The following CTNND2 variants were observed in gnomAD, a reference collection of about 807,000 sequenced individuals.
The protein encoded by CTNND2 is catenin delta-2.
A neutral mutation model predicts 144.4 loss-of-function variants in CTNND2; 22 were observed. The observed-to-expected ratio is 0.15, with a 90% CI of 0.11 to 0.22. The LOEUF (loss-of-function observed/expected upper bound fraction) is 0.22, where lower values mean the gene tolerates loss of function less well. Ranked by LOEUF, CTNND2 falls within the 10% of genes least tolerant of loss-of-function variation. The pLI, the probability that CTNND2 is intolerant of heterozygous loss-of-function variation, is 1.00. For synonymous variants in CTNND2, 751 were observed against 695.6 expected (o/e 1.08, Z -1.25); for missense variants, 1,353 against 1,618.8 (o/e 0.84, Z 2.82).
chr5:11,385,768 G>A (rs1759025532), intron 6 of CTNND2: 1 of 151,954 alleles, frequency 6.6e-6, no homozygotes, highest in African/African-American at 2.4e-5. Context: ...AGTTTATTCT[G>A]TTGCTATTGT....
At chr5:11,805,430 C>T (rs1561812532) in intron 1 of CTNND2, among the ~76,000 whole-genome samples, 4 of 152,052 alleles carry the variant, frequency 2.6e-5, no homozygotes, top group African/African-American at 9.7e-5. Context: ...GGAATCACGG[C>T]TCCTGGAAGA....
chr5:11,011,485 G>A (rs1000169166), intron 18 of CTNND2, among the ~76,000 whole-genome samples: 1 of 152,160 alleles, frequency 6.6e-6, no homozygotes, highest in African/African-American at 2.4e-5. Context: ...CCAAAGTGCT[G>A]GGATTACAGG....
At chr5:11,452,280 T>A (rs61760273) in intron 3 of CTNND2, among the ~76,000 whole-genome samples, 7,968 of 152,236 alleles carry the variant, frequency 0.052, 719 homozygotes, top group African/African-American at 0.18. Flanking sequence ...CACAAGTCCC[T>A]GAATTAACGA....
chr5:11,874,849 A>C (rs1735436951), intron 1 of CTNND2, among the ~76,000 whole-genome samples: 2 of 152,204 alleles, frequency 1.3e-5, no homozygotes, highest in African/African-American at 4.8e-5. Context: ...CCTTACCCAG[A>C]TAGCCTGTAC....
intron 3 of CTNND2, among the ~76,000 whole-genome samples, chr5:11,414,072 A>G (rs1017783078): frequency 6.6e-6 from 1 of 152,178 alleles, no homozygotes; most frequent in African/African-American, 2.4e-5. Context: ...ACATGTGCTT[A>G]TAAGAGATAG....
intron 2 of CTNND2, among the ~76,000 whole-genome samples, chr5:11,593,607 CAGG>C (rs1779365498): frequency 6.6e-6 from 1 of 152,158 alleles, no homozygotes; most frequent in South Asian, 2.1e-4. Context: ...GAATAAGTCT[CAGG>C]AGATCTGCTG....
chr5:11,694,982 C>T (rs1330407012), intron 2 of CTNND2, among the ~76,000 whole-genome samples: 1 of 152,118 alleles, frequency 6.6e-6, no homozygotes, highest in South Asian at 2.1e-4. Flanking sequence ...TATAGCAGGT[C>T]ATTTTTTAAA....
intron 10 of CTNND2, among the ~76,000 whole-genome samples, chr5:11,202,129 T>C (rs1737506731): frequency 1.3e-5 from 2 of 151,224 alleles, no homozygotes; most frequent in Admixed American, 6.6e-5. Context: ...CTATTGGTTA[T>C]GTACTAAAAA....
At chr5:11,295,856 G>GTT (rs1392291361) in intron 9 of CTNND2, among the ~76,000 whole-genome samples, 1 of 151,774 alleles carries the variant, frequency 6.6e-6, no homozygotes, top group Non-Finnish European at 1.5e-5. Flanking sequence ...AGACTTACGT[G>GTT]TTAGACCTAA....
At chr5:11,558,862 C>G (rs551527313) in intron 3 of CTNND2, among the ~76,000 whole-genome samples, 1 of 152,098 alleles carries the variant, frequency 6.6e-6, no homozygotes, top group African/African-American at 2.4e-5. Context: ...ATCTATATGA[C>G]GTGAGAATAC....
chr5:11,270,447 T>A (rs1213128476), intron 9 of CTNND2, among the ~76,000 whole-genome samples: 1 of 149,014 alleles, frequency 6.7e-6, no homozygotes, highest in Non-Finnish European at 1.5e-5. Flanking sequence ...CCTATTAGGA[T>A]ACATTCAAAG....
chr5:11,895,719 G>A (rs1737340391), intron 1 of CTNND2, among the ~76,000 whole-genome samples: 1 of 151,932 alleles, frequency 6.6e-6, no homozygotes, highest in South Asian at 2.1e-4. Flanking sequence ...ATGACAGAGT[G>A]ACATAATTAC....
In CTNND2 at chr5:11,111,110, C is replaced by G; in HGVS notation, c.2278-67G>C. 2.0e-6 allele frequency: 3 copies of G among 1,488,184 alleles called. No homozygotes were observed. In the South Asian group the frequency reaches 3.8e-5, roughly 19 times the overall value. The allele number at this position is 1,488,184 out of a possible 1,614,324, so 92.2% of individuals were successfully genotyped here. ...AGCACTCAGCACTCCATTCTTCCAC[C>G]TGGAAAGGCCTCTTTCTCCATGGAC... On this transcript the variant is annotated intron_variant, in intron 13 of 21. Transcript: ENST00000304623.
chr5:11,816,424 T>C (rs1289742171), intron 1 of CTNND2, among the ~76,000 whole-genome samples: 2 of 151,630 alleles, frequency 1.3e-5, no homozygotes, highest in East Asian at 4.0e-4. Flanking sequence ...CCCAAGGCTG[T>C]GTGACCATGC....
intron 18 of CTNND2, among the ~76,000 whole-genome samples, chr5:10,999,486 C>G (rs1039352145): frequency 9.2e-5 from 14 of 152,130 alleles, no homozygotes; most frequent in Admixed American, 9.2e-4. Flanking sequence ...AGGGAAGAAG[C>G]AGGGAGAGTG....
intron 1 of CTNND2, among the ~76,000 whole-genome samples, chr5:11,870,923 G>A (rs2127049222): frequency 1.3e-5 from 2 of 152,294 alleles, no homozygotes; most frequent in South Asian, 4.2e-4. Context: ...ACAGAATGAA[G>A]GTTTGTGTCC....
intron 2 of CTNND2, among the ~76,000 whole-genome samples, chr5:11,719,045 T>C (rs1215681033): frequency 6.6e-6 from 1 of 152,240 alleles, no homozygotes; most frequent in Non-Finnish European, 1.5e-5. Context: ...ATGTGTGTTA[T>C]TATATGCATA....
At chr5:11,565,612 A>G (rs1777026643) in intron 2 of CTNND2, among the ~76,000 whole-genome samples, 1 of 152,236 alleles carries the variant, frequency 6.6e-6, no homozygotes, top group South Asian at 2.1e-4. Context: ...CAATGATACC[A>G]ATTCTACACA....
chr5:11,412,326 T>C lies in CTNND2; in HGVS notation c.288-257A>G, dbSNP rs948307561. 1.4e-4 allele frequency among the ~76,000 whole-genome samples: 21 copies of C among 152,188 alleles called. 1 individual carries two copies. The highest frequency in any genetic ancestry group is 7.4e-5 in the Non-Finnish European group (5 of 67,996). ...GTAATTTTCAGAAGAGCTCATTTTT[T>C]ACAAAGCCCAACCTGTTAGACTCAT... On this transcript the variant is annotated intron_variant, in intron 3 of 21. Transcript: ENST00000304623.
Sources: allele counts gnomAD v4.1 joint callset (sites outside exome capture counted in the v4.1 genomes callset), GRCh38; gene constraint gnomAD v4.1.1; transcripts MANE v1.5; gene names NCBI Gene and HGNC (gene_info 2026-07-23, HGNC 2026-07-21).